The following PRKG1 variants were observed in gnomAD, a reference collection of about 807,000 sequenced individuals.
The protein encoded by PRKG1 is cGMP-dependent protein kinase 1.
PRKG1 carries 35 observed loss-of-function variants against 88.1 expected under a neutral mutation model. That is an observed-to-expected ratio of 0.40 (90% CI 0.30 to 0.53). PRKG1 has a LOEUF of 0.53. Among genes scored for constraint, PRKG1 ranks in the 20% least tolerant of loss-of-function variants. The pLI is 0.59. For missense variants in PRKG1, 540 were observed against 839.8 expected, an observed-to-expected ratio of 0.64 and a Z score of 4.41; for synonymous variants, 303 against 292.5, an observed-to-expected ratio of 1.04 and a Z score of -0.37.
intron 2 of PRKG1, among the ~76,000 whole-genome samples, chr10:51,370,212 G>T (rs1460868026): frequency 6.6e-6 from 1 of 152,062 alleles, no homozygotes; most frequent in African/African-American, 2.4e-5. Flanking sequence ...GAGGGGTAAA[G>T]ACTTTAGAAA....
intron 5 of PRKG1, among the ~76,000 whole-genome samples, chr10:51,947,459 C>T (rs544823571): frequency 1.1e-3 from 146 of 126,996 alleles, no homozygotes; most frequent in Middle Eastern, 4.1e-3. Context: ...GCGCATGGTG[C>T]GCTGCACCCA....
intron 3 of PRKG1, among the ~76,000 whole-genome samples, chr10:51,470,447 C>T (rs1840021628): frequency 6.6e-6 from 1 of 151,806 alleles, no homozygotes; most frequent in Non-Finnish European, 1.5e-5. Context: ...ACCTCCTTAA[C>T]CCTAACATCA....
intron 9 of PRKG1, among the ~76,000 whole-genome samples, chr10:52,243,664 C>T (rs1217777131): frequency 1.3e-5 from 2 of 152,110 alleles, no homozygotes; most frequent in Non-Finnish European, 2.9e-5. Flanking sequence ...AATCACTTAT[C>T]AGCAGCTGGT....
intron 10 of PRKG1, among the ~76,000 whole-genome samples, chr10:52,269,524 G>A (rs771752588): frequency 2.0e-5 from 3 of 151,934 alleles, no homozygotes; most frequent in Non-Finnish European, 4.4e-5. Flanking sequence ...GAATATCTTC[G>A]AAGATTGAAC....
At chr10:51,930,649 C>A (rs1468528163) in intron 5 of PRKG1, among the ~76,000 whole-genome samples, 1 of 151,742 alleles carries the variant, frequency 6.6e-6, no homozygotes, top group African/African-American at 2.4e-5. Context: ...TGCCATCATG[C>A]CCAGCTAGTT....
chr10:51,378,387 G>A (rs1478132721), intron 2 of PRKG1, among the ~76,000 whole-genome samples: 1 of 152,226 alleles, frequency 6.6e-6, no homozygotes, highest in Non-Finnish European at 1.5e-5. Context: ...TATGGTAGAA[G>A]TGTGCAGTTT....
At position 51,496,826 on chromosome 10, in the gene PRKG1, A is replaced by G. The variant is rs140392330; in HGVS notation, c.592+28990A>G. The stretch of plus-strand genomic sequence containing the variant: ...CTCACTGGTTCCCAGTTCTGGAATC[A>G]CTTTGAAGCTATATTCTGAGTTGTC... On this transcript the variant is annotated intron_variant, in intron 3 of 17. Coordinates refer to ENST00000373980, the MANE Select transcript of PRKG1 (RefSeq NM_006258.4). 2.3e-3 allele frequency among the ~76,000 whole-genome samples: 350 copies of G among 152,324 alleles called. 2 individuals carry two copies. Among genetic ancestry groups the G allele is most frequent in the African/African-American group, 8.2e-3 (339 of 41,566 alleles).
At chr10:51,496,576 C>A (rs74132516) in intron 3 of PRKG1, among the ~76,000 whole-genome samples, 2 of 152,076 alleles carry the variant, frequency 1.3e-5, no homozygotes, top group African/African-American at 4.8e-5. Flanking sequence ...ATTTAATGCC[C>A]TTTACTTCAA....
chr10:51,725,964 A>G (rs1312152265), intron 3 of PRKG1, among the ~76,000 whole-genome samples: 1 of 152,216 alleles, frequency 6.6e-6, no homozygotes, highest in East Asian at 1.9e-4. Flanking sequence ...GAGCAGCACC[A>G]CTAGAACATG....
At chr10:51,588,900 CT>C (rs138407261) in intron 3 of PRKG1, among the ~76,000 whole-genome samples, 7 of 151,730 alleles carry the variant, frequency 4.6e-5, no homozygotes, top group African/African-American at 7.3e-5. Context: ...AGTTACTTCC[CT>C]TTTTTTTCAA....
chr10:52,217,503 A>G (rs375208576), intron 9 of PRKG1, among the ~76,000 whole-genome samples: 3 of 152,136 alleles, frequency 2.0e-5, no homozygotes, highest in East Asian at 1.9e-4. Context: ...ACCGTCAAAC[A>G]ATATTTTCAC....
At chr10:51,466,194 A>G (rs1839900379) in intron 2 of PRKG1, among the ~76,000 whole-genome samples, 1 of 152,152 alleles carries the variant, frequency 6.6e-6, no homozygotes. Flanking sequence ...AAAAGGAAGG[A>G]AAATGCCATG....
chr10:51,549,603 T>C lies in PRKG1; in HGVS notation c.592+81767T>C, dbSNP rs767263286. Among the ~76,000 whole-genome samples the C allele has an allele frequency of 9.9e-4, 150 of 152,238 alleles. 1 individual carries two copies. The highest frequency in any genetic ancestry group is 1.8e-3 in the Non-Finnish European group (122 of 67,994). ...TTATACTAGACAGCTATTTTGAAAA[T>C]CAGATTACCTGTTTAAAGATGCTGC... On this transcript the variant is annotated intron_variant, in intron 3 of 17. Transcript: ENST00000373980.
At chr10:51,153,940 A>G (rs1293091325) in intron 2 of PRKG1, among the ~76,000 whole-genome samples, 1 of 152,038 alleles carries the variant, frequency 6.6e-6, no homozygotes, top group Non-Finnish European at 1.5e-5. Context: ...CTAATTTTTC[A>G]TAATACTTCT....
chr10:51,640,642 C>A (rs1192570388), intron 3 of PRKG1, among the ~76,000 whole-genome samples: 5 of 152,090 alleles, frequency 3.3e-5, no homozygotes, highest in African/African-American at 1.2e-4. Flanking sequence ...CATCTGACTA[C>A]ATTTTTAGGG....
At chr10:52,187,924 G>A (rs188230326) in intron 9 of PRKG1, among the ~76,000 whole-genome samples, 108 of 152,214 alleles carry the variant, frequency 7.1e-4, no homozygotes, top group African/African-American at 2.5e-3. Context: ...AGAAAGCAGA[G>A]TTTGGAACGT....
chr10:51,852,056 G>A (rs1359780683), intron 4 of PRKG1, among the ~76,000 whole-genome samples: 2 of 151,042 alleles, frequency 1.3e-5, no homozygotes, highest in Non-Finnish European at 2.9e-5. Context: ...ACATGTTGGA[G>A]AAAAAAACAA....
At chr10:51,231,432 GCTGTCCC>G (rs1397363818) in intron 2 of PRKG1, among the ~76,000 whole-genome samples, 1 of 152,090 alleles carries the variant, frequency 6.6e-6, no homozygotes, top group African/African-American at 2.4e-5. Context: ...CAGTCTCATG[GCTGTCCC>G]CTGAGGAGGA....
In PRKG1 at chr10:51,268,417, C is replaced by T. The variant is rs191046739; in HGVS notation, c.478+115087C>T. 1.7e-3 allele frequency among the ~76,000 whole-genome samples: 265 copies of T among 152,186 alleles called. 5 individuals carry two copies. The highest frequency in any genetic ancestry group is 4.6e-4 in the Non-Finnish European group (31 of 68,022). On this transcript the variant is annotated intron_variant, in intron 2 of 17. Transcript: ENST00000373980. ...TCCCTACAGCTGCAACCATAAAAGA[C>T]GGCTGCCCCTGAAGCGGCCATTTCA...
Sources: allele counts gnomAD v4.1 joint callset (sites outside exome capture counted in the v4.1 genomes callset), GRCh38; gene constraint gnomAD v4.1.1; transcripts MANE v1.5; gene names NCBI Gene and HGNC (gene_info 2026-07-23, HGNC 2026-07-21).